Variants in LCTL observed in about 807,000 individuals in gnomAD.
The protein encoded by LCTL is lactase-like protein.
Under a neutral mutation model 75.8 loss-of-function variants are expected in LCTL, and 76 were observed. The observed-to-expected ratio is 1.00, with a 90% confidence interval of 0.83 to 1.21. The LOEUF (loss-of-function observed/expected upper bound fraction) is 1.21. Ranked by LOEUF, LCTL falls within the 50% of genes most tolerant of loss-of-function variation. The probability of loss-of-function intolerance (pLI) is 0.00; values close to 1 mark genes in which losing one functional copy is unlikely to be tolerated. For synonymous variants in LCTL, 271 were observed against 268.8 expected (o/e 1.01, Z -0.08); for missense variants, 670 against 712.4 (o/e 0.94, Z 0.68).
At chr15:66,565,380 C>T in exon 1 of LCTL, 2 of 1,520,962 alleles carry the variant, frequency 1.3e-6, no homozygotes, top group Non-Finnish European at 1.8e-6. Flanking sequence ...CCTGGCCCTC[C>T]CCCATACCTG....
intron 8 of LCTL, among the ~76,000 whole-genome samples, chr15:66,553,697 G>A (rs1295543425): frequency 6.6e-6 from 1 of 150,930 alleles, no homozygotes; most frequent in Admixed American, 6.6e-5. Flanking sequence ...GGAGCTTGCA[G>A]TGAGCCAAGA....
At chr15:66,548,567 C>T (rs776260249) in exon 13 of LCTL, 15 of 1,612,966 alleles carry the variant, frequency 9.3e-6, no homozygotes, top group Admixed American at 3.3e-5. Flanking sequence ...GTGGGTACCA[C>T]GATCTCCGTA....
rs775586072 is a variant in LCTL at position 66,564,726 on chromosome 15, G to A, written c.232C>T (p.Leu78Phe). 7 of 1,613,454 alleles carry A rather than the reference G, an allele frequency of 4.3e-6. No individual in the cohort carries two copies. In the South Asian group the frequency reaches 7.7e-5, roughly 18 times the overall value. ...GCTACATCTGCCGTCTCATTCCCAA[G>A]CACTTTCCCCTTCCCACTGTGTGTG... Residue 78 changes from leucine to phenylalanine, a missense_variant, in exon 2 of 13, where the codon CTT (leucine) becomes TTT (phenylalanine). Transcript: ENST00000341509.
At chr15:66,560,108 C>T (rs886817792) in intron 6 of LCTL, among the ~76,000 whole-genome samples, 11 of 152,050 alleles carry the variant, frequency 7.2e-5, no homozygotes, top group African/African-American at 2.7e-4. Flanking sequence ...ATCTTGAGAG[C>T]TCTGCCCTTT....
exon 5 of LCTL, chr15:66,561,203 G>A (rs773138781): frequency 7.4e-6 from 12 of 1,614,228 alleles, no homozygotes; most frequent in South Asian, 3.3e-5. Flanking sequence ...ATCACTGAAC[G>A]TGATCCAGTG....
chr15:66,564,781 G>A (rs1406926399), exon 2 of LCTL: 8 of 1,613,482 alleles, frequency 5.0e-6, no homozygotes, highest in East Asian at 4.5e-5. Context: ...GCCCTTTCCC[G>A]TCCTGGTCCC....
At chr15:66,548,977 T>C (rs1298945316) in intron 12 of LCTL, 1 of 157,324 alleles carries the variant, frequency 6.4e-6, no homozygotes, top group Non-Finnish European at 1.4e-5. Flanking sequence ...TTGGGAAACA[T>C]TTCCAATCTT....
chr15:66,551,748 C>T (rs770321839), exon 11 of LCTL: 10 of 1,613,888 alleles, frequency 6.2e-6, no homozygotes, highest in South Asian at 1.1e-5. Flanking sequence ...TTATTTCTGT[C>T]GTTAAATTCA....
exon 13 of LCTL, chr15:66,548,289 G>A: frequency 2.6e-6 from 1 of 392,054 alleles, no homozygotes; most frequent in Non-Finnish European, 4.6e-6. Context: ...GGAGGGGTGA[G>A]ATTACAAGTG....
At chr15:66,551,573 A>T in intron 11 of LCTL, 89 bp downstream of exon 12, 2 of 1,029,256 alleles carry the variant, frequency 1.9e-6, no homozygotes, top group South Asian at 1.5e-5. Context: ...TGGAGGAAAG[A>T]GAAGAGAAAC....
Position 66,561,171 on chromosome 15 carries a change from G to A in LCTL, c.609+16C>T, listed in dbSNP as rs906120563. On this transcript the variant is annotated intron_variant, in intron 5 of 12. Transcript: ENST00000341509. ...AGGGAGTGTCACATTCTCCCACCTG[G>A]AGGGGCCCTGCTTACCCGAGGATCA... 1.9e-6 allele frequency: 3 copies of A among 1,614,160 alleles called. No individual in the cohort carries two copies. Among genetic ancestry groups the A allele is most frequent in the Non-Finnish European group, 2.5e-6 (3 of 1,180,014 alleles).
intron 10 of LCTL, 83 bp from the exon 12 acceptor site, chr15:66,551,944 T>C: frequency 6.5e-7 from 1 of 1,534,282 alleles, no homozygotes; most frequent in African/African-American, 1.4e-5. Flanking sequence ...AATGTTTTCA[T>C]TTATGAGATT....
At chr15:66,548,568 G>C in exon 13 of LCTL, 3 of 1,612,772 alleles carry the variant, frequency 1.9e-6, no homozygotes, top group Non-Finnish European at 2.5e-6. Flanking sequence ...TGGGTACCAC[G>C]ATCTCCGTAA....
chr15:66,554,427 C>G (rs992951979), intron 8 of LCTL, among the ~76,000 whole-genome samples: 3 of 152,018 alleles, frequency 2.0e-5, no homozygotes, highest in African/African-American at 7.3e-5. Flanking sequence ...CCATTGTACT[C>G]CAGCCTGGGC....
chr15:66,552,384 A>G (rs1595931994), intron 9 of LCTL, among the ~76,000 whole-genome samples: 1 of 152,160 alleles, frequency 6.6e-6, no homozygotes, highest in East Asian at 1.9e-4. Context: ...ATAAATGAAC[A>G]TTGTTGCCAG....
At chr15:66,551,760 C>G in exon 11 of LCTL, 1 of 1,613,860 alleles carries the variant, frequency 6.2e-7, no homozygotes, top group Non-Finnish European at 8.5e-7. Context: ...TTAAATTCAA[C>G]ATAGTAGAAT....
At chr15:66,550,623 A>C (rs1330258733) in intron 11 of LCTL, among the ~76,000 whole-genome samples, 1 of 152,058 alleles carries the variant, frequency 6.6e-6, no homozygotes, top group African/African-American at 2.4e-5. Context: ...CTGGGACTAC[A>C]GGCGCATCAC....
chr15:66,558,320 G>C (rs1177919677), intron 6 of LCTL, among the ~76,000 whole-genome samples: 1 of 152,130 alleles, frequency 6.6e-6, no homozygotes, highest in Non-Finnish European at 1.5e-5. Context: ...TTAGTCCTCA[G>C]TAGCAACTAG....
At chr15:66,553,033 C>A in exon 9 of LCTL, 2 of 1,567,200 alleles carry the variant, frequency 1.3e-6, no homozygotes, top group Non-Finnish European at 8.6e-7. Flanking sequence ...AGAATATAGC[C>A]ATTTAGACCC....
Sources: gnomAD v4.1 joint callset for allele counts (sites outside exome capture counted in the v4.1 genomes callset) on GRCh38, gnomAD v4.1.1 for gene constraint, MANE v1.5 for transcripts, NCBI Gene and HGNC (gene_info 2026-07-23, HGNC 2026-07-21) for gene names.